PRX: variants seen among roughly 807,000 people sequenced by gnomAD.
The protein encoded by PRX is periaxin.
In PRX, 24 loss-of-function variants were observed where a neutral mutation model predicts 29.6. The ratio of observed to expected loss-of-function variants is 0.81; its 90% CI spans 0.59 to 1.14. The LOEUF is 1.14. Ranked by LOEUF, PRX falls within the 50% of genes most tolerant of loss-of-function variation. PRX has a pLI of 0.00. For synonymous variants in PRX, 772 were observed against 831.7 expected, an observed-to-expected ratio of 0.93 and a Z score of 1.24; for missense variants, 1,838 against 1,926.4, an observed-to-expected ratio of 0.95 and a Z score of 0.86.
chr19:40,402,655 C>G (rs2079503632), intron 5 of PRX, among the ~76,000 whole-genome samples: 1 of 149,794 alleles, frequency 6.7e-6, no homozygotes, highest in Non-Finnish European at 1.5e-5. Flanking sequence ...CCTGTAGTCC[C>G]TCCCAGCTAC....
At chr19:40,412,703 C>T (rs1009558045) in intron 1 of PRX, among the ~76,000 whole-genome samples, 2 of 151,940 alleles carry the variant, frequency 1.3e-5, no homozygotes, top group African/African-American at 4.8e-5. Context: ...GCCTCCTGCC[C>T]CAGCTCTGGT....
intron 5 of PRX, among the ~76,000 whole-genome samples, chr19:40,400,312 G>A (rs560209378): frequency 5.4e-4 from 78 of 145,318 alleles, no homozygotes; most frequent in African/African-American, 1.9e-3. Context: ...ACAAGATCTC[G>A]CCAGGTGCGG....
rs770022401 is a variant in PRX at position 40,396,034 on chromosome 19, T to G, written c.2318A>C (p.Glu773Ala). 1.9e-6 allele frequency: 3 copies of G among 1,614,114 alleles called. No individual in the cohort carries two copies. Among genetic ancestry groups the G allele is most frequent in the East Asian group, 4.5e-5 (2 of 44,888 alleles). Residue 773 changes from glutamate (E) to alanine (A), a missense_variant, in exon 7 of 7, where the codon GAG becomes GCG. Coordinates refer to ENST00000324001, the MANE Select transcript of PRX (RefSeq NM_181882.3). ...CTCCGGAGCCCTGGGCAGCTTCACC[T>G]CTGGTGCCTTCGGAAGATGCACGTC... The part of the protein sequence containing the change: ...VPDVHLPKAP[E>A]VKLPRAPEVQ...
rs1017754371 is a variant in PRX at position 40,395,779 on chromosome 19, T to C, written c.2573A>G (p.Glu858Gly). 18 of 1,613,930 alleles carry C rather than the reference T, an allele frequency of 1.1e-5. No individual in the cohort carries two copies. Among genetic ancestry groups the C allele is most frequent in the Non-Finnish European group, 1.5e-5 (18 of 1,180,002 alleles). ...GVPSLTLPSV[E>G]LDLPGALGLQ... ...GCCAAGTGCTCCTGGCAGGTCTAGCTCCACTGAAGGCAGAGTGAGAGAGGG... is the reference window on the plus strand; with the variant it reads ...GCCAAGTGCTCCTGGCAGGTCTAGCCCCACTGAAGGCAGAGTGAGAGAGGG... The change falls in exon 7 of 7, where the codon GAG becomes GGG. Residue 858 changes from glutamate to glycine, a missense_variant. Glu to Gly is a moderately conservative substitution (Grantham distance 98). Coordinates refer to ENST00000324001, the MANE Select transcript of PRX (RefSeq NM_181882.3).
At chr19:40,411,268 C>G (rs1209929495) in intron 1 of PRX, among the ~76,000 whole-genome samples, 2 of 152,250 alleles carry the variant, frequency 1.3e-5, no homozygotes, top group Non-Finnish European at 1.5e-5. Flanking sequence ...CGGGCCTGGA[C>G]CGGGCAGGCG....
At chr19:40,411,232 G>A (rs1443373775) in intron 1 of PRX, among the ~76,000 whole-genome samples, 2 of 152,230 alleles carry the variant, frequency 1.3e-5, no homozygotes, top group Non-Finnish European at 2.9e-5. Context: ...GGCCAACGGT[G>A]CTAGAAACAC....
rs1211666855 is a variant in PRX at position 40,396,016 on chromosome 19, G to A, written c.2336C>T (p.Ala779Val). ...GGTGGCCTTTAGCTGCACCTCCGGA[G>A]CCCTGGGCAGCTTCACCTCTGGTGC... ...PKAPEVKLPR[A>V]PEVQLKATKA... is the part of the protein sequence containing the mutation. The change falls in exon 7 of 7, where the codon GCT (alanine) becomes GTT (valine). Residue 779 changes from alanine to valine, a missense_variant. Around this residue, in one of 3 missense-constraint regions of PRX, gnomAD observed 1,143 missense variants for 1,193.0 expected, o/e 0.96. Transcript: ENST00000324001. 1 of 1,613,952 alleles carries A rather than the reference G, an allele frequency of 6.2e-7. No homozygotes were observed. Among genetic ancestry groups the A allele is most frequent in the Non-Finnish European group, 8.5e-7 (1 of 1,180,026 alleles).
At chr19:40,399,865 T>TTCTTTCTTTC (rs1480752152) in intron 5 of PRX, among the ~76,000 whole-genome samples, 1 of 64,832 alleles carries the variant, frequency 1.5e-5, no homozygotes, top group East Asian at 2.5e-4. Flanking sequence ...CTTTCTTTCT[T>TTCTTTCTTTC]TCTTTCTTTC....
At chr19:40,401,772 T>C (rs1240526545) in intron 5 of PRX, among the ~76,000 whole-genome samples, 2 of 122,218 alleles carry the variant, frequency 1.6e-5, no homozygotes, top group South Asian at 2.8e-4. Context: ...CCCACCCCTT[T>C]TTTTTTTTTT....
In PRX at chr19:40,396,152, C is replaced by T; in HGVS notation, c.2200G>A (p.Glu734Lys). The T allele has an allele frequency of 6.2e-7, 1 of 1,613,552 alleles. No homozygotes were observed. Among genetic ancestry groups the T allele is most frequent in the Non-Finnish European group, 8.5e-7 (1 of 1,179,620 alleles). ...AGGTGCACATCGGGCACAGCCATCT[C>T]AGGCACCTTGGGGAGTTTTATCTCT... ...LPEIKLPKVP[E>K]MAVPDVHLPE... Residue 734 changes from glutamate (E) to lysine (K), a missense_variant, in exon 7 of 7, where the codon GAG becomes AAG. Glu to Lys is a moderately conservative substitution (Grantham distance 56). This residue lies in a region of PRX where 1,143 missense variants were observed against 1,193.0 expected (regional missense o/e 0.96). Transcript: ENST00000324001.
intron 1 of PRX, among the ~76,000 whole-genome samples, chr19:40,413,010 A>G (rs1190907055): frequency 6.6e-6 from 1 of 152,204 alleles, no homozygotes; most frequent in Non-Finnish European, 1.5e-5. Flanking sequence ...TATAGGCATG[A>G]GCCACCATGC....
In PRX at chr19:40,394,395, C is replaced by T. The variant is rs1446433052; in HGVS notation, c.3957G>A (p.Gly1319=). ...TCTTGGCCTTCTCACCCTCCTCGGC[C>T]CCCTCCTTGGCCCGCACCAGGCCAA... ...PRFGLVRAKE[G]AEEGEKAKSP... Residue 1319 remains glycine, a synonymous_variant, in exon 7 of 7, where the codon GGG becomes GGA. Transcript: ENST00000324001. This position sits in a 1 kb window ranked among gnomAD's most constrained non-coding sequence, Gnocchi z 5.8. 1.2e-6 allele frequency: 2 copies of T among 1,601,296 alleles called. No individual in the cohort carries two copies. The highest frequency in any genetic ancestry group is 2.3e-5 in the East Asian group (1 of 44,010).
Position 40,403,311 on chromosome 19 carries a change from C to T in PRX, c.184+395G>A, listed in dbSNP as rs558997222. Among the ~76,000 whole-genome samples the T allele has an allele frequency of 7.2e-5, 11 of 152,344 alleles. No individual in the cohort carries two copies. In the South Asian group the frequency reaches 2.3e-3, roughly 32 times the overall value. Reference sequence around the variant, plus strand: ...TCTAAGTGGCTCACTCCACCCTTTTCTCCTGCCCCAACAACAAAAACATTT... The same window carrying T: ...TCTAAGTGGCTCACTCCACCCTTTTTTCCTGCCCCAACAACAAAAACATTT... On this transcript the variant is annotated intron_variant, in intron 5 of 6. Transcript: ENST00000324001.
intron 1 of PRX, among the ~76,000 whole-genome samples, chr19:40,410,153 T>C (rs537511777): frequency 4.9e-4 from 74 of 152,202 alleles, no homozygotes; most frequent in African/African-American, 1.7e-3. Context: ...AAAGCTGAAA[T>C]TCACATGCAG....
chr19:40,405,100 C>T (rs1025322276), intron 4 of PRX, among the ~76,000 whole-genome samples: 2 of 152,054 alleles, frequency 1.3e-5, no homozygotes, highest in African/African-American at 4.8e-5. Flanking sequence ...GTGAAACGCC[C>T]ACAGGAGAGG....
intron 2 of PRX, 40 bp from the exon 3 acceptor site, chr19:40,408,296 G>A (rs970907379): frequency 1.6e-4 from 72 of 445,554 alleles, no homozygotes; most frequent in Non-Finnish European, 2.2e-4. Flanking sequence ...CCAGGCAGGC[G>A]AGGAAGGGGT....
At chr19:40,403,604 G>A (rs1466816108) in intron 5 of PRX, 102 bp downstream of exon 5, 2 of 1,382,244 alleles carry the variant, frequency 1.4e-6, no homozygotes, top group Non-Finnish European at 1.9e-6. Flanking sequence ...CGCCGGTCAC[G>A]CCCCCATCCC....
intron 4 of PRX, among the ~76,000 whole-genome samples, chr19:40,407,212 TTGTGTGTGTG>T (rs72256185): frequency 1.6e-4 from 22 of 133,888 alleles, no homozygotes; most frequent in East Asian, 4.3e-4. Context: ...TTATATGCCC[TTGTGTGTGTG>T]TGTGTGTGTG....
In PRX at chr19:40,394,568, C is replaced by T; in HGVS notation, c.3784G>A (p.Glu1262Lys). 1 of 1,608,892 alleles carries T rather than the reference C, an allele frequency of 6.2e-7. No homozygotes were observed. The highest frequency in any genetic ancestry group is 8.5e-7 in the Non-Finnish European group (1 of 1,178,724). The change falls in exon 7 of 7, where the codon GAG becomes AAG. Residue 1262 changes from glutamate to lysine, a missense_variant. Around this residue, in one of 3 missense-constraint regions of PRX, gnomAD observed 1,143 missense variants for 1,193.0 expected, o/e 0.96. Coordinates refer to ENST00000324001, the MANE Select transcript of PRX (RefSeq NM_181882.3). This position sits in a 1 kb window ranked among gnomAD's most constrained non-coding sequence, Gnocchi z 5.8. Reference protein sequence around the residue: ...ARARVGGEGAEEQPPGAERTF... With the variant: ...ARARVGGEGAKEQPPGAERTF... The stretch of plus-strand genomic sequence containing the variant: ...CGCTCGGCCCCTGGGGGCTGCTCCT[C>T]AGCACCCTCGCCCCCCACCCTAGCT...
Sources: gnomAD v4.1 joint callset for allele counts (sites outside exome capture counted in the v4.1 genomes callset) on GRCh38, gnomAD v4.1.1 for gene constraint, gnomAD v4.1.1 regional missense constraint, Gnocchi (gnomAD v3.1) non-coding constraint, MANE v1.5 for transcripts, NCBI Gene and HGNC (gene_info 2026-07-23, HGNC 2026-07-21) for gene names.